CNTN3: variants seen among roughly 807,000 people sequenced by gnomAD.
The protein encoded by CNTN3 is contactin 3, also known as contactin-3.
A neutral mutation model predicts 119.1 loss-of-function variants in CNTN3; 60 were observed. The observed-to-expected ratio is 0.50, with a 90% confidence interval of 0.41 to 0.62. CNTN3 has a LOEUF of 0.62. Ranked by LOEUF, CNTN3 falls within the 20% of genes least tolerant of loss-of-function variation. CNTN3 has a pLI of 0.00. For missense variants in CNTN3, 1,101 were observed against 1,242.4 expected (o/e 0.89, Z 1.71); for synonymous variants, 450 against 438.7 (o/e 1.03, Z -0.32).
Position 74,276,564 on chromosome 3 carries a change from A to C in CNTN3, c.2704+8741T>G, listed in dbSNP as rs550925008. ...GAGTCAAAAATGAAATCAAGATGGA[A>C]ATTAAAGAATTATTCGAATTGAACA... On this transcript the variant is annotated intron_variant, in intron 20 of 22. Coordinates refer to ENST00000263665, the MANE Select transcript of CNTN3 (RefSeq NM_020872.3). Among the ~76,000 whole-genome samples, 3 of 152,262 alleles carry C rather than the reference A, an allele frequency of 2.0e-5. No individual in the cohort carries two copies. In the South Asian group the frequency reaches 6.2e-4, roughly 32 times the overall value.
rs1416659926 is a variant in CNTN3, at chr3:74,264,321, T to G, written c.*80A>C. On this transcript the variant is annotated 3_prime_UTR_variant, in exon 23 of 23. Coordinates refer to ENST00000263665, the MANE Select transcript of CNTN3 (RefSeq NM_020872.3). ...TTAAAAATAAGAGTTGAAAAAAACA[T>G]GCATAATCACTGCATTTCATGAAAG... The G allele has an allele frequency of 5.3e-6, 3 of 567,412 alleles. No homozygotes were observed. Among genetic ancestry groups the G allele is most frequent in the Non-Finnish European group, 8.7e-6 (3 of 343,144 alleles). 35.1% of individuals were successfully genotyped at this position (567,412 alleles called of 1,614,324 possible).
At chr3:74,525,344 T>A (rs941584000) in intron 1 of CNTN3, among the ~76,000 whole-genome samples, 8 of 151,936 alleles carry the variant, frequency 5.3e-5, no homozygotes, top group African/African-American at 1.7e-4. Context: ...AAGTTTTTTT[T>A]AAATTATGTT....
At chr3:74,311,300 T>C (rs1304734639) in intron 13 of CNTN3, among the ~76,000 whole-genome samples, 1 of 152,194 alleles carries the variant, frequency 6.6e-6, no homozygotes, top group South Asian at 2.1e-4. Flanking sequence ...CAAAGTCATA[T>C]TGAAAAAGAT....
At chr3:74,325,372 G>A (rs1374708039) in intron 13 of CNTN3, among the ~76,000 whole-genome samples, 1 of 152,158 alleles carries the variant, frequency 6.6e-6, no homozygotes, top group Non-Finnish European at 1.5e-5. Flanking sequence ...ATTTGGAAGA[G>A]TCAGTTATAA....
intron 4 of CNTN3, among the ~76,000 whole-genome samples, chr3:74,476,911 TGAAA>T (rs993132677): frequency 3.3e-5 from 5 of 151,744 alleles, no homozygotes; most frequent in African/African-American, 1.2e-4. Context: ...ATGGAAAATA[TGAAA>T]GAGAGGTAAA....
At chr3:74,465,101 T>A (rs1702437790) in intron 4 of CNTN3, among the ~76,000 whole-genome samples, 1 of 152,172 alleles carries the variant, frequency 6.6e-6, no homozygotes, top group Non-Finnish European at 1.5e-5. Context: ...CTGTTCAAAT[T>A]TGTAAATAAA....
chr3:74,479,306 G>A (rs1023284062), intron 4 of CNTN3, among the ~76,000 whole-genome samples: 2 of 152,042 alleles, frequency 1.3e-5, no homozygotes, highest in Non-Finnish European at 2.9e-5. Context: ...ATTTGGTTAG[G>A]TTGGTGCAAA....
chr3:74,294,699 T>G (rs1702300350), intron 19 of CNTN3, among the ~76,000 whole-genome samples: 1 of 152,142 alleles, frequency 6.6e-6, no homozygotes, highest in African/African-American at 2.4e-5. Context: ...CAAAATATCT[T>G]ACAGACAGCT....
At chr3:74,534,627 T>C (rs1421453163) in intron 1 of CNTN3, among the ~76,000 whole-genome samples, 1 of 152,046 alleles carries the variant, frequency 6.6e-6, no homozygotes, top group African/African-American at 2.4e-5. Context: ...ATTTAATGAG[T>C]TAGCACTGCT....
chr3:74,516,520 A>T (rs1015940133), intron 2 of CNTN3, among the ~76,000 whole-genome samples: 2 of 150,906 alleles, frequency 1.3e-5, no homozygotes, highest in Non-Finnish European at 1.5e-5. Context: ...TACACATAAC[A>T]TACCAAATAT....
At chr3:74,380,632 C>T (rs959936473) in intron 5 of CNTN3, among the ~76,000 whole-genome samples, 1 of 152,194 alleles carries the variant, frequency 6.6e-6, no homozygotes, top group Non-Finnish European at 1.5e-5. Flanking sequence ...TTTAATGAAT[C>T]CAAACGTAGT....
chr3:74,424,317 T>C (rs1375384918), intron 5 of CNTN3, among the ~76,000 whole-genome samples: 1 of 151,968 alleles, frequency 6.6e-6, no homozygotes, highest in African/African-American at 2.4e-5. Flanking sequence ...TATACCAATA[T>C]AGCATAAAAT....
At chr3:74,539,040 T>C (rs1703803903) in intron 1 of CNTN3, among the ~76,000 whole-genome samples, 1 of 152,080 alleles carries the variant, frequency 6.6e-6, no homozygotes, top group East Asian at 1.9e-4. Flanking sequence ...ATCTAAATGG[T>C]CTTTTTCTAA....
At chr3:74,343,554 A>G (rs940309023) in intron 11 of CNTN3, among the ~76,000 whole-genome samples, 1 of 152,240 alleles carries the variant, frequency 6.6e-6, no homozygotes, top group Non-Finnish European at 1.5e-5. Context: ...CAAGGTATGT[A>G]GAGGATGCTG....
At chr3:74,295,907 A>G (rs1241517367) in intron 18 of CNTN3, among the ~76,000 whole-genome samples, 1 of 152,126 alleles carries the variant, frequency 6.6e-6, no homozygotes, top group Non-Finnish European at 1.5e-5. Context: ...TGCTTCTCAG[A>G]CAAGGATCTT....
At chr3:74,264,612 A>G in intron 22 of CNTN3, 111 bp from the exon 23 acceptor site, 1 of 607,872 alleles carries the variant, frequency 1.6e-6, no homozygotes, top group Middle Eastern at 2.7e-4. Context: ...TGAAATCCTA[A>G]CCCTCAATGT....
intron 1 of CNTN3, among the ~76,000 whole-genome samples, chr3:74,548,175 G>T (rs1051956745): frequency 1.3e-5 from 2 of 152,024 alleles, no homozygotes; most frequent in African/African-American, 4.8e-5. Flanking sequence ...AGATGGATTT[G>T]GTTACACCAA....
intron 17 of CNTN3, among the ~76,000 whole-genome samples, chr3:74,298,487 C>T (rs1033082627): frequency 2.0e-5 from 3 of 151,772 alleles, no homozygotes; most frequent in African/African-American, 7.3e-5. Flanking sequence ...GGAAGATATA[C>T]TTTCAGTTGA....
chr3:74,371,438 T>C, intron 5 of CNTN3, 39 bp from the exon 6 acceptor site: 1 of 1,467,728 alleles, frequency 6.8e-7, no homozygotes, highest in Non-Finnish European at 9.5e-7. Context: ...ATTCCATCAT[T>C]AAGGACAGTT....
Sources: allele counts gnomAD v4.1 joint callset (sites outside exome capture counted in the v4.1 genomes callset), GRCh38; gene constraint gnomAD v4.1.1; transcripts MANE v1.5; gene names NCBI Gene and HGNC (gene_info 2026-07-23, HGNC 2026-07-21).